The following PCDHA11 variants were observed in gnomAD, a reference collection of about 807,000 sequenced individuals.
The protein encoded by PCDHA11 is protocadherin alpha 11, also known as protocadherin alpha-11.
In PCDHA11, 61 loss-of-function variants were observed where a neutral mutation model predicts 70.3. That is an observed-to-expected ratio of 0.87 (90% CI 0.71 to 1.07). The LOEUF (loss-of-function observed/expected upper bound fraction) is 1.07, where lower values mean the gene tolerates loss of function less well. PCDHA11 is among the 50% of genes least tolerant of loss of function. The pLI is 0.00. For synonymous variants in PCDHA11, 633 were observed against 555.1 expected (o/e 1.14, Z -1.97); for missense variants, 1,324 against 1,237.5 (o/e 1.07, Z -1.05).
At chr5:140,924,681 G>T (rs558083953) in intron 1 of PCDHA11, among the ~76,000 whole-genome samples, 1 of 152,180 alleles carries the variant, frequency 6.6e-6, no homozygotes, top group East Asian at 1.9e-4. Flanking sequence ...AATCACTTGA[G>T]GTCAGGAGTT....
chr5:140,922,162 A>G (rs2080680842), intron 1 of PCDHA11, among the ~76,000 whole-genome samples: 1 of 146,764 alleles, frequency 6.8e-6, no homozygotes, highest in African/African-American at 2.5e-5. Flanking sequence ...AAAAACAACA[A>G]AAAGTACAGC....
rs782800341 is a variant in PCDHA11, at chr5:140,870,833, A to G, written c.1730A>G (p.Asn577Ser). ...GCTGGCAGCGCGGGAGGCGCAGTTA[A>G]CAAGCTAGTACCGCGGTCGGTGGGT... is the stretch of plus-strand genomic sequence containing the variant. Reference protein sequence around the residue: ...TQAGSAGGAVNKLVPRSVGAG... With the variant: ...TQAGSAGGAVSKLVPRSVGAG... The change falls in exon 1 of 4, where the codon AAC becomes AGC. Residue 577 changes from asparagine (N) to serine (S), a missense_variant. By Grantham distance (46) the Asn-to-Ser change is conservative. Transcript: ENST00000398640. The G allele has an allele frequency of 1.9e-6, 3 of 1,613,654 alleles. No individual in the cohort carries two copies. The highest frequency in any genetic ancestry group is 3.3e-5 in the Admixed American group (2 of 59,996).
chr5:140,943,620 A>G (rs1285848217), intron 1 of PCDHA11, among the ~76,000 whole-genome samples: 1 of 152,200 alleles, frequency 6.6e-6, no homozygotes, highest in Non-Finnish European at 1.5e-5. Context: ...ATTCATCTGC[A>G]TAAGGAAGCT....
chr5:140,909,010 G>C (rs2074261521), intron 1 of PCDHA11, among the ~76,000 whole-genome samples: 1 of 152,120 alleles, frequency 6.6e-6, no homozygotes, highest in South Asian at 2.1e-4. Flanking sequence ...GAGGTAGAAG[G>C]TTCCTGAATT....
At chr5:140,883,626 C>T (rs782798960) in intron 1 of PCDHA11, 3 of 1,613,850 alleles carry the variant, frequency 1.9e-6, no homozygotes, top group Non-Finnish European at 2.5e-6. Flanking sequence ...GACAACGCGC[C>T]GGCGTTCGCG....
intron 1 of PCDHA11, among the ~76,000 whole-genome samples, chr5:140,904,500 T>C (rs1454204932): frequency 6.6e-6 from 1 of 151,976 alleles, no homozygotes; most frequent in African/African-American, 2.4e-5. Flanking sequence ...ATTTTTACAA[T>C]TGTGAATTGT....
At chr5:140,990,114 A>G (rs1392233617) in intron 3 of PCDHA11, among the ~76,000 whole-genome samples, 9 of 151,936 alleles carry the variant, frequency 5.9e-5, no homozygotes, top group Admixed American at 4.6e-4. Flanking sequence ...GGAAATTGAG[A>G]GCTCTGTAGA....
chr5:140,922,876 A>G (rs782530609), intron 1 of PCDHA11, among the ~76,000 whole-genome samples: 10 of 152,234 alleles, frequency 6.6e-5, no homozygotes, highest in Non-Finnish European at 1.3e-4. Flanking sequence ...GAAAAAATCC[A>G]AAGACATCAT....
chr5:140,923,256 TAGTG>T (rs2153568044), intron 1 of PCDHA11, among the ~76,000 whole-genome samples: 1 of 152,302 alleles, frequency 6.6e-6, no homozygotes, highest in African/African-American at 2.4e-5. Context: ...CTGGGCAACA[TAGTG>T]AGACCTTGTC....
intron 1 of PCDHA11, among the ~76,000 whole-genome samples, chr5:140,957,220 G>A (rs1356437193): frequency 2.6e-5 from 4 of 152,192 alleles, no homozygotes; most frequent in Non-Finnish European, 5.9e-5. Flanking sequence ...CAAAAATTTG[G>A]CGAAGCATTT....
At chr5:140,953,903 C>T (rs755692840) in intron 1 of PCDHA11, among the ~76,000 whole-genome samples, 1 of 152,120 alleles carries the variant, frequency 6.6e-6, no homozygotes, top group Non-Finnish European at 1.5e-5. Context: ...TTAAGCCCAG[C>T]ATCCATTAGG....
intron 3 of PCDHA11, among the ~76,000 whole-genome samples, chr5:140,995,888 T>C (rs1307052037): frequency 3.3e-5 from 5 of 152,216 alleles, no homozygotes; most frequent in Non-Finnish European, 5.9e-5. Flanking sequence ...GCTTCAGATT[T>C]ATCAATGTAT....
intron 1 of PCDHA11, among the ~76,000 whole-genome samples, chr5:140,941,202 C>CTTTCTTTCTTTCTTTCTTTCTTT (rs1554213921): frequency 9.0e-5 from 11 of 122,780 alleles, no homozygotes; most frequent in East Asian, 8.9e-4. Flanking sequence ...TTTCTTTCTT[C>CTTTCTTTCTTTCTTTCTTTCTTT]CTTTCTTTCT....
chr5:140,998,158 T>C (rs1306702034), intron 3 of PCDHA11, among the ~76,000 whole-genome samples: 1 of 152,232 alleles, frequency 6.6e-6, no homozygotes, highest in Non-Finnish European at 1.5e-5. Context: ...AGTTAAGCCA[T>C]GTGCCAAGTA....
At chr5:140,964,841 T>G (rs2095857355) in intron 1 of PCDHA11, among the ~76,000 whole-genome samples, 2 of 152,190 alleles carry the variant, frequency 1.3e-5, no homozygotes, top group Non-Finnish European at 2.9e-5. Context: ...CTTCCTACTC[T>G]GTACCCTTGA....
intron 1 of PCDHA11, among the ~76,000 whole-genome samples, chr5:140,900,156 T>G (rs1219079675): frequency 3.3e-5 from 5 of 152,180 alleles, no homozygotes; most frequent in African/African-American, 1.2e-4. Flanking sequence ...CATACGATAT[T>G]TGTCTTTCTG....
intron 1 of PCDHA11, among the ~76,000 whole-genome samples, chr5:140,881,897 C>T (rs2058860141): frequency 6.6e-6 from 1 of 152,146 alleles, no homozygotes; most frequent in African/African-American, 2.4e-5. Context: ...CAATTGTCAG[C>T]TAATATAAAA....
chr5:141,008,731 A>G (rs570212555), intron 3 of PCDHA11, among the ~76,000 whole-genome samples: 88 of 152,328 alleles, frequency 5.8e-4, no homozygotes, highest in Non-Finnish European at 1.0e-3. Flanking sequence ...GTCCAACTAG[A>G]CTGTGAGCAC....
intron 1 of PCDHA11, among the ~76,000 whole-genome samples, chr5:140,917,890 T>C (rs782473137): frequency 1.3e-5 from 2 of 152,098 alleles, no homozygotes; most frequent in Non-Finnish European, 2.9e-5. Context: ...TTTTTTTCCA[T>C]ATGAATGTTA....
Sources: gnomAD v4.1 joint callset for allele counts (sites outside exome capture counted in the v4.1 genomes callset) on GRCh38, gnomAD v4.1.1 for gene constraint, MANE v1.5 for transcripts, NCBI Gene and HGNC (gene_info 2026-07-23, HGNC 2026-07-21) for gene names.